The following RELN variants were observed in gnomAD, a reference collection of about 807,000 sequenced individuals.
The protein encoded by RELN is reelin.
RELN carries 108 observed loss-of-function variants against 427.6 expected under a neutral mutation model. That is an observed-to-expected ratio of 0.25 (90% CI 0.22 to 0.30). RELN has a LOEUF of 0.30. RELN is among the 10% of genes least tolerant of loss of function. The probability of loss-of-function intolerance (pLI) is 1.00; values close to 1 mark genes in which losing one functional copy is unlikely to be tolerated. For synonymous variants in RELN, 1,524 were observed against 1,513.4 expected, an observed-to-expected ratio of 1.01 and a Z score of -0.16; for missense variants, 3,715 against 4,302.8, an observed-to-expected ratio of 0.86 and a Z score of 3.82.
chr7:103,966,715 C>A (rs1247147338), intron 1 of RELN, among the ~76,000 whole-genome samples: 3 of 152,170 alleles, frequency 2.0e-5, no homozygotes, highest in Non-Finnish European at 4.4e-5. Flanking sequence ...TATCAAACTT[C>A]CTTTATTTTC....
intron 11 of RELN, among the ~76,000 whole-genome samples, chr7:103,677,728 T>C (rs1164220284): frequency 1.6e-5 from 2 of 123,936 alleles, no homozygotes; most frequent in Admixed American, 2.1e-4. Context: ...ATAGCACCAC[T>C]GCACTCCAGC....
chr7:103,633,019 T>C (rs574226288), intron 19 of RELN, among the ~76,000 whole-genome samples: 10 of 152,236 alleles, frequency 6.6e-5, no homozygotes, highest in Non-Finnish European at 1.5e-4. Flanking sequence ...AAAATACCAA[T>C]TAGTTCACAA....
At chr7:103,880,830 C>CT (rs1260171373) in intron 2 of RELN, among the ~76,000 whole-genome samples, 1 of 152,072 alleles carries the variant, frequency 6.6e-6, no homozygotes, top group Non-Finnish European at 1.5e-5. Context: ...GTAGCTGGGA[C>CT]TACAGGCATG....
chr7:103,540,603 G>A (rs1045450271), intron 43 of RELN, 148 bp from the exon 44 acceptor site: 18 of 726,824 alleles, frequency 2.5e-5, no homozygotes, highest in Non-Finnish European at 4.2e-5. Context: ...TCACTTCAAA[G>A]TCTGATTTCC....
chr7:103,552,920 C>G (rs964187238), intron 40 of RELN, among the ~76,000 whole-genome samples: 1 of 152,000 alleles, frequency 6.6e-6, no homozygotes, highest in Non-Finnish European at 1.5e-5. Context: ...CTGATTTTAT[C>G]TAAGTTTTTG....
intron 1 of RELN, among the ~76,000 whole-genome samples, chr7:103,960,201 G>T (rs1354670216): frequency 2.6e-5 from 4 of 152,110 alleles, no homozygotes; most frequent in African/African-American, 9.7e-5. Flanking sequence ...CTACATTATT[G>T]GCTCTGTCCT....
At chr7:103,706,730 G>C (rs113413841) in intron 8 of RELN, among the ~76,000 whole-genome samples, 44 of 151,762 alleles carry the variant, frequency 2.9e-4, no homozygotes, top group African/African-American at 9.7e-4. Flanking sequence ...TCAGGCTCAT[G>C]ACTCAAGGCC....
rs776747038 is a variant in RELN, at chr7:103,566,616, A to G, written c.4732T>C (p.Trp1578Arg). The G allele has an allele frequency of 6.2e-7, 1 of 1,614,184 alleles. No homozygotes were observed. Among genetic ancestry groups the G allele is most frequent in the Non-Finnish European group, 8.5e-7 (1 of 1,180,026 alleles). The change falls in exon 32 of 65, where the codon TGG becomes CGG. Residue 1578 changes from tryptophan (W) to arginine (R), a missense_variant. By Grantham distance (101) the Trp-to-Arg change is moderately radical. Coordinates refer to ENST00000428762, the MANE Select transcript of RELN (RefSeq NM_005045.4). ...AGTAACTTACCATGTTGCGGTTGCCACCATCGAAATGCCGTTGCAGGTGTC... is the reference window on the plus strand; with the variant it reads ...AGTAACTTACCATGTTGCGGTTGCCGCCATCGAAATGCCGTTGCAGGTGTC... ...AKTPATAFRW[W>R]QPQHGKHSAQ...
intron 11 of RELN, among the ~76,000 whole-genome samples, chr7:103,670,619 T>TG (rs905502941): frequency 9.9e-5 from 15 of 152,012 alleles, no homozygotes; most frequent in African/African-American, 2.2e-4. Flanking sequence ...GGAATTAGCA[T>TG]GGGGGGGAAA....
chr7:103,676,661 T>G (rs1033443852), intron 11 of RELN, among the ~76,000 whole-genome samples: 4 of 152,204 alleles, frequency 2.6e-5, no homozygotes, highest in Non-Finnish European at 2.9e-5. Flanking sequence ...AATGATAGAC[T>G]GGATTAAGAA....
In RELN at chr7:103,489,797, G is replaced by A. The variant is rs200370282; in HGVS notation, c.9708C>T (p.Ser3236=). ...YIGEACPKLC[S]GHGYCTTGAI... is the part of the protein sequence containing the mutation. Reference sequence around the variant, plus strand: ...CACCGGTCGTGCAGTATCCGTGCCCGCTGCAGAGCTTGGGGCAAGCCTCTC... The same window carrying A: ...CACCGGTCGTGCAGTATCCGTGCCCACTGCAGAGCTTGGGGCAAGCCTCTC... The change falls in exon 60 of 65, where the codon AGC becomes AGT. Residue 3236 remains serine, a synonymous_variant. Transcript: ENST00000428762. The A allele has an allele frequency of 9.7e-5, 156 of 1,614,018 alleles. 1 individual carries two copies. Among genetic ancestry groups the A allele is most frequent in the Middle Eastern group, 3.3e-4 (2 of 6,082 alleles).
chr7:103,484,565 A>G (rs1381038528), intron 61 of RELN: 1 of 152,722 alleles, frequency 6.5e-6, no homozygotes, highest in Non-Finnish European at 1.5e-5. Context: ...TTACGACTAC[A>G]TCACTGTTAG....
intron 20 of RELN, among the ~76,000 whole-genome samples, chr7:103,619,804 A>ATCAATCCTCACAGCTCT (rs1484547284): frequency 6.6e-6 from 1 of 152,114 alleles, no homozygotes; most frequent in African/African-American, 2.4e-5. Context: ...CCAGGGAAGA[A>ATCAATCCTCACAGCTCT]TCAATCCTCA....
chr7:103,901,171 C>A (rs965484909), intron 2 of RELN, among the ~76,000 whole-genome samples: 1 of 151,936 alleles, frequency 6.6e-6, no homozygotes, highest in Non-Finnish European at 1.5e-5. Context: ...TGTCATTAAT[C>A]ATTAGGGAAT....
chr7:103,742,820 C>T (rs995387502), intron 6 of RELN, among the ~76,000 whole-genome samples: 14 of 152,114 alleles, frequency 9.2e-5, no homozygotes, highest in Non-Finnish European at 1.6e-4. Flanking sequence ...AGAATGGAAC[C>T]CAGCTGGAAA....
At chr7:103,475,347 G>T (rs3808048) in intron 64 of RELN, among the ~76,000 whole-genome samples, 2 of 150,940 alleles carry the variant, frequency 1.3e-5, no homozygotes, top group African/African-American at 4.9e-5. Flanking sequence ...CCCCACCCCC[G>T]CACCATAGCA....
At chr7:103,917,648 A>G (rs1357731697) in intron 1 of RELN, among the ~76,000 whole-genome samples, 2 of 151,992 alleles carry the variant, frequency 1.3e-5, no homozygotes, top group South Asian at 2.1e-4. Flanking sequence ...TTGTGAGTCC[A>G]TATTTCAAAG....
chr7:103,709,551 C>T (rs1393930313), intron 8 of RELN, among the ~76,000 whole-genome samples: 1 of 152,152 alleles, frequency 6.6e-6, no homozygotes, highest in Non-Finnish European at 1.5e-5. Context: ...TAAGAGATCA[C>T]AAAGATGAAC....
intron 6 of RELN, among the ~76,000 whole-genome samples, chr7:103,747,353 T>C (rs1440809171): frequency 6.6e-6 from 1 of 151,454 alleles, no homozygotes; most frequent in Non-Finnish European, 1.5e-5. Context: ...ATATGGCACA[T>C]ATATATATGT....
Sources: allele counts gnomAD v4.1 joint callset (sites outside exome capture counted in the v4.1 genomes callset), GRCh38; gene constraint gnomAD v4.1.1; transcripts MANE v1.5; gene names NCBI Gene and HGNC (gene_info 2026-07-23, HGNC 2026-07-21).